Variants in LARGE1 observed in about 807,000 individuals in gnomAD.
LARGE1 encodes the protein xylosyl- and glucuronyltransferase LARGE1.
LARGE1 carries 43 observed loss-of-function variants against 87.6 expected under a neutral mutation model. The ratio of observed to expected loss-of-function variants is 0.49; its 90% confidence interval spans 0.38 to 0.63. The LOEUF is 0.63. Ranked by LOEUF, LARGE1 falls within the 30% of genes least tolerant of loss-of-function variation. The pLI, the probability that LARGE1 is intolerant of heterozygous loss-of-function variation, is 0.00. For missense variants in LARGE1, 802 were observed against 1,000.2 expected (o/e 0.80, Z 2.67); for synonymous variants, 434 against 394.6 (o/e 1.10, Z -1.18).
downstream of LARGE1, among the ~76,000 whole-genome samples, chr22:33,269,002 G>GTT (rs1928104905): frequency 6.6e-6 from 1 of 152,042 alleles, no homozygotes; most frequent in African/African-American, 2.4e-5. Flanking sequence ...GTGTATGCAT[G>GTT]TTTATTTTTC....
At chr22:33,131,033 CAAA>C in the LARGE1 span, among the ~76,000 whole-genome samples, 5 of 70,928 alleles carry the variant, frequency 7.0e-5, no homozygotes, top group South Asian at 4.7e-4. Flanking sequence ...GACTCCGTCT[CAAA>C]AAAAAAAAAA....
At chr22:33,489,001 T>G (rs1466340124) in intron 6 of LARGE1, among the ~76,000 whole-genome samples, 1 of 152,200 alleles carries the variant, frequency 6.6e-6, no homozygotes, top group Non-Finnish European at 1.5e-5. Context: ...TACCACCTCC[T>G]CCTCTCTGCT....
chr22:33,747,138 C>T (rs188657447), intron 2 of LARGE1, among the ~76,000 whole-genome samples: 1 of 152,296 alleles, frequency 6.6e-6, no homozygotes, highest in African/African-American at 2.4e-5. Flanking sequence ...AGAGGAAATA[C>T]TCTCTCAGGT....
At chr22:33,395,901 G>A (rs2065724371) in intron 7 of LARGE1, among the ~76,000 whole-genome samples, 1 of 152,336 alleles carries the variant, frequency 6.6e-6, no homozygotes, top group East Asian at 1.9e-4. Flanking sequence ...ATATATCAGT[G>A]TGCACAGTGA....
intron 6 of LARGE1, among the ~76,000 whole-genome samples, chr22:33,546,378 C>A (rs550024243): frequency 6.6e-6 from 1 of 150,878 alleles, no homozygotes; most frequent in South Asian, 2.1e-4. Flanking sequence ...AGATCTCCAG[C>A]CAATCAACAA....
intron 1 of LARGE1, among the ~76,000 whole-genome samples, chr22:33,803,261 T>C (rs1048193477): frequency 6.6e-6 from 1 of 152,136 alleles, no homozygotes; most frequent in African/African-American, 2.4e-5. Context: ...ACATTTCCTA[T>C]CTCAATTGAG....
At chr22:33,557,570 T>C (rs1213832213) in intron 6 of LARGE1, among the ~76,000 whole-genome samples, 1 of 152,108 alleles carries the variant, frequency 6.6e-6, no homozygotes, top group African/African-American at 2.4e-5. Context: ...GAGAACTTTT[T>C]ATTTATTTAT....
the LARGE1 span, among the ~76,000 whole-genome samples, chr22:33,096,566 GTTT>G: frequency 0.065 from 7,064 of 107,958 alleles, 377 homozygotes; most frequent in East Asian, 0.27. Flanking sequence ...TTTTGTTTTT[GTTT>G]TTTTTTTTTT....
chr22:33,155,811 A>C, the LARGE1 span, among the ~76,000 whole-genome samples: 1 of 152,226 alleles, frequency 6.6e-6, no homozygotes, highest in African/African-American at 2.4e-5. Context: ...TCAAGGGCCA[A>C]AGGTTTAGGA....
At chr22:33,438,906 G>GAGATCAGATT (rs1381830318) in intron 6 of LARGE1, among the ~76,000 whole-genome samples, 1 of 152,104 alleles carries the variant, frequency 6.6e-6, no homozygotes, top group African/African-American at 2.4e-5. Flanking sequence ...AATGGATATT[G>GAGATCAGATT]AGATCAGATT....
chr22:33,193,395 C>A (rs1471226664), intron 11 of LARGE1, among the ~76,000 whole-genome samples: 3 of 152,186 alleles, frequency 2.0e-5, no homozygotes, highest in African/African-American at 7.2e-5. Flanking sequence ...AAAATAGGAA[C>A]ATCACAGCAA....
At chr22:33,665,061 C>A (rs1390051636) in intron 2 of LARGE1, among the ~76,000 whole-genome samples, 1 of 152,184 alleles carries the variant, frequency 6.6e-6, no homozygotes. Context: ...CTCTCCCACT[C>A]AGGGCTTCTA....
the LARGE1 span, among the ~76,000 whole-genome samples, chr22:33,106,649 C>G: frequency 1.3e-5 from 2 of 152,248 alleles, no homozygotes; most frequent in East Asian, 3.9e-4. Context: ...GCATGTGCCA[C>G]CATGCCCAGC....
intron 11 of LARGE1, among the ~76,000 whole-genome samples, chr22:33,253,172 T>C (rs912339932): frequency 1.3e-5 from 2 of 152,232 alleles, no homozygotes; most frequent in African/African-American, 4.8e-5. Flanking sequence ...TGTTTGCTCG[T>C]AGATATGATA....
intron 2 of LARGE1, among the ~76,000 whole-genome samples, chr22:33,702,928 G>A (rs1400962670): frequency 1.3e-5 from 2 of 152,132 alleles, no homozygotes; most frequent in Admixed American, 6.6e-5. Flanking sequence ...CCCTGAGACG[G>A]GGTTCTAAAG....
the LARGE1 span, among the ~76,000 whole-genome samples, chr22:33,151,601 A>C: frequency 6.6e-6 from 1 of 152,200 alleles, no homozygotes; most frequent in South Asian, 2.1e-4. Context: ...ATACTCTATC[A>C]GATTGAGGAA....
chr22:33,506,981 A>G (rs563919877), intron 6 of LARGE1, among the ~76,000 whole-genome samples: 2 of 152,328 alleles, frequency 1.3e-5, no homozygotes, highest in East Asian at 3.9e-4. Flanking sequence ...GCTATTTGGG[A>G]GACACAAGAG....
chr22:33,414,659 A>G (rs940821784), intron 7 of LARGE1, among the ~76,000 whole-genome samples: 1 of 152,216 alleles, frequency 6.6e-6, no homozygotes, highest in African/African-American at 2.4e-5. Context: ...GTTTCCAGGC[A>G]TGTGCTCTGG....
At chr22:33,475,451 T>G (rs1569197031) in intron 6 of LARGE1, among the ~76,000 whole-genome samples, 1 of 149,702 alleles carries the variant, frequency 6.7e-6, no homozygotes, top group African/African-American at 2.5e-5. Flanking sequence ...TATTTATTTA[T>G]TTATTTATTT....
Sources: gnomAD v4.1 joint callset for allele counts (sites outside exome capture counted in the v4.1 genomes callset) on GRCh38, gnomAD v4.1.1 for gene constraint, MANE v1.5 for transcripts, NCBI Gene and HGNC (gene_info 2026-07-23, HGNC 2026-07-21) for gene names.